ARHGAP44: variants seen among roughly 807,000 people sequenced by gnomAD.
ARHGAP44 encodes the protein Rho GTPase activating protein 44.
ARHGAP44 carries 43 observed loss-of-function variants against 106.8 expected under a neutral mutation model. The ratio of observed to expected loss-of-function variants is 0.40; its 90% confidence interval spans 0.32 to 0.52. The LOEUF is 0.52. ARHGAP44 is among the 20% of genes least tolerant of loss of function. The probability of loss-of-function intolerance (pLI) is 0.48; values close to 1 mark genes in which losing one functional copy is unlikely to be tolerated. For synonymous variants in ARHGAP44, 439 were observed against 410.3 expected (o/e 1.07, Z -0.85); for missense variants, 866 against 1,050.5 (o/e 0.82, Z 2.43).
chr17:12,983,213 C>T (rs967269299), intron 19 of ARHGAP44, among the ~76,000 whole-genome samples: 1 of 140,342 alleles, frequency 7.1e-6, no homozygotes, highest in Non-Finnish European at 1.5e-5. Context: ...TGCAGAGAGC[C>T]GAGATCGCGC....
intron 6 of ARHGAP44, 146 bp from the exon 7 acceptor site, chr17:12,928,783 C>G (rs1455337234): frequency 4.9e-6 from 3 of 613,038 alleles, no homozygotes; most frequent in East Asian, 3.1e-5. Context: ...TTGCCTAGTC[C>G]TTGGTGCCTT....
At chr17:12,956,779 G>A in intron 15 of ARHGAP44, 33 bp downstream of exon 15, 1 of 1,593,020 alleles carries the variant, frequency 6.3e-7, no homozygotes, top group Non-Finnish European at 8.6e-7. Flanking sequence ...GGGGGCAAGA[G>A]GCAGGGAACA....
At chr17:12,882,937 A>G (rs370674692) in intron 1 of ARHGAP44, among the ~76,000 whole-genome samples, 5 of 151,388 alleles carry the variant, frequency 3.3e-5, no homozygotes, top group East Asian at 3.9e-4. Context: ...TTCTTTTTCT[A>G]TTTTTTTCAT....
At chr17:12,828,160 C>T (rs1473058451) in intron 1 of ARHGAP44, among the ~76,000 whole-genome samples, 4 of 150,746 alleles carry the variant, frequency 2.7e-5, no homozygotes, top group African/African-American at 9.8e-5. Context: ...TTAAATATTT[C>T]AACCTAATAG....
chr17:12,793,011 C>T (rs1016929011), intron 1 of ARHGAP44, among the ~76,000 whole-genome samples: 4 of 152,202 alleles, frequency 2.6e-5, no homozygotes, highest in Admixed American at 2.0e-4. Context: ...TTCAATCCGT[C>T]CTTTGGGAAG....
At chr17:12,798,851 C>A (rs915307281) in intron 1 of ARHGAP44, among the ~76,000 whole-genome samples, 8 of 152,056 alleles carry the variant, frequency 5.3e-5, no homozygotes, top group Non-Finnish European at 1.0e-4. Context: ...GGATGTAGTT[C>A]TTTGACAGTT....
At chr17:12,901,216 A>T (rs1476378757) in intron 3 of ARHGAP44, among the ~76,000 whole-genome samples, 5 of 151,804 alleles carry the variant, frequency 3.3e-5, no homozygotes. Flanking sequence ...GAGCCACCAC[A>T]CCCGGCCAAG....
intron 1 of ARHGAP44, among the ~76,000 whole-genome samples, chr17:12,816,141 C>G (rs1415433078): frequency 2.6e-5 from 4 of 152,184 alleles, no homozygotes; most frequent in Admixed American, 2.6e-4. Context: ...AAAAGGGGAG[C>G]CTGCCATGAA....
rs552102119 is a variant in ARHGAP44, at chr17:12,804,606, A to G, written c.53+14715A>G. 2.0e-5 allele frequency among the ~76,000 whole-genome samples: 3 copies of G among 152,336 alleles called. No individual in the cohort carries two copies. The South Asian group carries it at 6.2e-4, about 32-fold the overall frequency. On this transcript the variant is annotated intron_variant, in intron 1 of 20. Transcript: ENST00000379672. ...TCATGGGATACCCATTCTTCAAACTAGAGTTTGTAGGATGTGTCATGGAGA... is the reference window on the plus strand; with the variant it reads ...TCATGGGATACCCATTCTTCAAACTGGAGTTTGTAGGATGTGTCATGGAGA...
chr17:12,888,047 T>C (rs2036933131), intron 1 of ARHGAP44, among the ~76,000 whole-genome samples: 1 of 152,112 alleles, frequency 6.6e-6, no homozygotes, highest in African/African-American at 2.4e-5. Context: ...TATTGATCTT[T>C]TCAAAGAACT....
At chr17:12,931,750 C>T (rs1038270607) in intron 7 of ARHGAP44, among the ~76,000 whole-genome samples, 1 of 151,994 alleles carries the variant, frequency 6.6e-6, no homozygotes, top group Admixed American at 6.6e-5. Flanking sequence ...CCACCTGCCT[C>T]AGCCTCCCAA....
chr17:12,805,330 C>G (rs1320980715), intron 1 of ARHGAP44, among the ~76,000 whole-genome samples: 1 of 152,126 alleles, frequency 6.6e-6, no homozygotes, highest in Non-Finnish European at 1.5e-5. Context: ...CTGGTGTCCA[C>G]AGTGCTTTGC....
At chr17:12,849,592 T>TC (rs769286827) in intron 1 of ARHGAP44, among the ~76,000 whole-genome samples, 14 of 137,332 alleles carry the variant, frequency 1.0e-4, no homozygotes, top group Non-Finnish European at 1.4e-4. Flanking sequence ...TTTTTTTTTT[T>TC]TTGCTTGGCT....
intron 2 of ARHGAP44, 23 bp downstream of exon 2, chr17:12,895,002 C>G: frequency 6.4e-7 from 1 of 1,573,458 alleles, no homozygotes; most frequent in Non-Finnish European, 8.6e-7. Context: ...TTGACACTGG[C>G]TCACAGATAC....
chr17:12,901,835 A>G (rs985858063), intron 3 of ARHGAP44, among the ~76,000 whole-genome samples: 1 of 151,988 alleles, frequency 6.6e-6, no homozygotes, highest in African/African-American at 2.4e-5. Flanking sequence ...AATCCCAGAC[A>G]CCATTCTTTA....
At chr17:12,907,645 A>G (rs1211126352) in intron 3 of ARHGAP44, among the ~76,000 whole-genome samples, 1 of 152,220 alleles carries the variant, frequency 6.6e-6, no homozygotes, top group Non-Finnish European at 1.5e-5. Flanking sequence ...TGTACCATGC[A>G]GCATTCCCTT....
At chr17:12,800,173 TGTTA>T (rs1405211222) in intron 1 of ARHGAP44, among the ~76,000 whole-genome samples, 1 of 152,222 alleles carries the variant, frequency 6.6e-6, no homozygotes, top group Non-Finnish European at 1.5e-5. Flanking sequence ...GCATTTATTT[TGTTA>T]TTTATATTCC....
At chr17:12,832,297 C>T (rs553443887) in intron 1 of ARHGAP44, among the ~76,000 whole-genome samples, 26 of 152,160 alleles carry the variant, frequency 1.7e-4, no homozygotes, top group Non-Finnish European at 2.6e-4. Context: ...TGTCCTCTTG[C>T]ACCAAGTTGT....
At chr17:12,931,098 G>A (rs915695351) in intron 7 of ARHGAP44, among the ~76,000 whole-genome samples, 2 of 152,184 alleles carry the variant, frequency 1.3e-5, no homozygotes, top group African/African-American at 4.8e-5. Flanking sequence ...TTGAGACAGA[G>A]TCTTGTTCTG....
Sources: gnomAD v4.1 joint callset for allele counts (sites outside exome capture counted in the v4.1 genomes callset) on GRCh38, gnomAD v4.1.1 for gene constraint, MANE v1.5 for transcripts, NCBI Gene and HGNC (gene_info 2026-07-23, HGNC 2026-07-21) for gene names.